CDH9: variants seen among roughly 807,000 people sequenced by gnomAD.
CDH9 encodes the protein cadherin 9, also known as cadherin-9.
A neutral mutation model predicts 70.9 loss-of-function variants in CDH9; 28 were observed. The ratio of observed to expected loss-of-function variants is 0.40; its 90% confidence interval spans 0.29 to 0.54. CDH9 has a LOEUF of 0.54. Among genes scored for constraint, CDH9 ranks in the 20% least tolerant of loss-of-function variants. CDH9 has a pLI of 0.59. For missense variants in CDH9, 874 were observed against 984.4 expected (o/e 0.89, Z 1.50); for synonymous variants, 409 against 343.1 (o/e 1.19, Z -2.12).
At chr5:26,923,460 T>C (rs1741282320) in intron 2 of CDH9, among the ~76,000 whole-genome samples, 1 of 151,910 alleles carries the variant, frequency 6.6e-6, no homozygotes, top group African/African-American at 2.4e-5. Context: ...AAACAGATCT[T>C]AATACAATAA....
chr5:27,028,307 AG>A (rs1191319639), intron 1 of CDH9: 1 of 151,860 alleles, frequency 6.6e-6, no homozygotes, highest in Non-Finnish European at 1.5e-5. Context: ...TGAACCCAAG[AG>A]GCAGACGTTG....
At chr5:26,981,497 T>C (rs528749848) in intron 2 of CDH9, among the ~76,000 whole-genome samples, 2 of 152,196 alleles carry the variant, frequency 1.3e-5, no homozygotes, top group South Asian at 4.1e-4. Context: ...CAGTCTACTG[T>C]TGGCTGAATA....
intron 7 of CDH9, among the ~76,000 whole-genome samples, chr5:26,893,062 A>G (rs1321977542): frequency 6.6e-6 from 1 of 152,138 alleles, no homozygotes; most frequent in Non-Finnish European, 1.5e-5. Context: ...TTATTGGGTG[A>G]ACATACATTA....
intron 2 of CDH9, among the ~76,000 whole-genome samples, chr5:26,929,637 ACACAATGGAGTACTACT>A (rs1170570700): frequency 4.6e-5 from 7 of 152,258 alleles, no homozygotes; most frequent in African/African-American, 1.7e-4. Flanking sequence ...AGGTACATGT[ACACAATGGAGTACTACT>A]CAGCCATAAA....
chr5:27,037,193 G>A (rs1743407933), intron 1 of CDH9, among the ~76,000 whole-genome samples: 1 of 151,906 alleles, frequency 6.6e-6, no homozygotes, highest in South Asian at 2.1e-4. Context: ...TAAAGCAAAG[G>A]GAGTCGAAGG....
intron 2 of CDH9, among the ~76,000 whole-genome samples, chr5:26,958,705 T>A (rs915133593): frequency 6.6e-6 from 1 of 152,080 alleles, no homozygotes; most frequent in Non-Finnish European, 1.5e-5. Flanking sequence ...CAGAAATAAT[T>A]TACATTCATT....
chr5:26,906,996 T>A (rs548206091), intron 3 of CDH9, among the ~76,000 whole-genome samples, 158 bp from the exon 4 acceptor site: 5 of 152,204 alleles, frequency 3.3e-5, no homozygotes, highest in African/African-American at 1.2e-4. Context: ...TTACTTTCCT[T>A]TCTCATTTTC....
chr5:26,899,233 T>C (rs1740808832), intron 7 of CDH9, among the ~76,000 whole-genome samples: 1 of 152,140 alleles, frequency 6.6e-6, no homozygotes, highest in African/African-American at 2.4e-5. Flanking sequence ...GAATGTAAAT[T>C]AGTTCAACCA....
At chr5:26,911,994 A>G (rs184964104) in intron 3 of CDH9, among the ~76,000 whole-genome samples, 10 of 152,204 alleles carry the variant, frequency 6.6e-5, no homozygotes, top group Admixed American at 5.9e-4. Context: ...ATAAAAATGA[A>G]TGGAAATAAG....
At chr5:26,915,220 C>T (rs1741128355) in intron 3 of CDH9, among the ~76,000 whole-genome samples, 1 of 151,796 alleles carries the variant, frequency 6.6e-6, no homozygotes, top group Non-Finnish European at 1.5e-5. Flanking sequence ...CTTTAATGAT[C>T]AAATGAAAAA....
Position 26,915,918 on chromosome 5 carries a change from T to A in CDH9, c.235A>T (p.Thr79Ser), listed in dbSNP as rs1194382519. Residue 79 changes from threonine to serine, a missense_variant, in exon 3 of 12, where the codon ACT (threonine) becomes TCT (serine). Transcript: ENST00000231021. Reference protein sequence around the residue: ...TDTQYVGKLHTDQDKGDGNLK... With the variant: ...TDTQYVGKLHSDQDKGDGNLK... ...TTTCCATCTCCTTTATCTTGGTCAG[T>A]GTGAAGCTTTAGAGAGGTAGAAAAG... The A allele has an allele frequency of 6.2e-7, 1 of 1,601,470 alleles. No homozygotes were observed.
intron 7 of CDH9, among the ~76,000 whole-genome samples, chr5:26,897,869 G>A (rs920540472): frequency 6.6e-6 from 1 of 152,184 alleles, no homozygotes; most frequent in Non-Finnish European, 1.5e-5. Context: ...AGTAGGAAGA[G>A]AGGAAGTCAA....
intron 7 of CDH9, among the ~76,000 whole-genome samples, chr5:26,897,214 G>A (rs758164494): frequency 8.6e-5 from 13 of 151,940 alleles, no homozygotes; most frequent in Non-Finnish European, 1.9e-4. Context: ...AGAACAGACG[G>A]ATTCACAGCC....
At chr5:26,939,730 G>T (rs958521100) in intron 2 of CDH9, among the ~76,000 whole-genome samples, 1 of 151,970 alleles carries the variant, frequency 6.6e-6, no homozygotes, top group African/African-American at 2.4e-5. Context: ...TATTTATGAA[G>T]ATGTTTATCC....
At chr5:26,904,493 T>C (rs1740912013) in intron 5 of CDH9, among the ~76,000 whole-genome samples, 1 of 152,074 alleles carries the variant, frequency 6.6e-6, no homozygotes, top group Non-Finnish European at 1.5e-5. Flanking sequence ...CTGCAGTCTA[T>C]ACAAGGTCTA....
intron 2 of CDH9, among the ~76,000 whole-genome samples, chr5:26,950,261 T>C (rs28420854): frequency 0.13 from 19,077 of 152,192 alleles, 3,998 homozygotes; most frequent in African/African-American, 0.44. Context: ...AAAATGAATT[T>C]CATAATTCAC....
chr5:26,906,248 T>C (rs1014554964), intron 4 of CDH9, 122 bp from the exon 5 acceptor site: 6 of 735,010 alleles, frequency 8.2e-6, no homozygotes, highest in Non-Finnish European at 1.3e-5. Flanking sequence ...TATTTAAATA[T>C]GTCCTTCAAT....
chr5:26,922,203 A>G (rs868788240), intron 2 of CDH9, among the ~76,000 whole-genome samples: 4 of 152,084 alleles, frequency 2.6e-5, no homozygotes, highest in South Asian at 4.1e-4. Flanking sequence ...CAAAATTTAG[A>G]AAAAAATATT....
chr5:26,963,838 T>A (rs1336884389), intron 2 of CDH9, among the ~76,000 whole-genome samples: 2 of 152,104 alleles, frequency 1.3e-5, no homozygotes, highest in Non-Finnish European at 2.9e-5. Flanking sequence ...GGAAAATGTA[T>A]CTTTAATTGG....
Sources: allele counts gnomAD v4.1 joint callset (sites outside exome capture counted in the v4.1 genomes callset), GRCh38; gene constraint gnomAD v4.1.1; transcripts MANE v1.5; gene names NCBI Gene and HGNC (gene_info 2026-07-23, HGNC 2026-07-21).